Variants in RO60 observed in about 807,000 individuals in gnomAD.
The protein encoded by RO60 is Ro60, Y RNA binding protein.
RO60 carries 20 observed loss-of-function variants against 55.3 expected under a neutral mutation model. The ratio of observed to expected loss-of-function variants is 0.36; its 90% CI spans 0.25 to 0.53. The LOEUF (loss-of-function observed/expected upper bound fraction) is 0.53. RO60 is among the 20% of genes least tolerant of loss of function. RO60 has a pLI of 0.92. For missense variants in RO60, 558 were observed against 646.6 expected, an observed-to-expected ratio of 0.86 and a Z score of 1.49; for synonymous variants, 213 against 213.6, an observed-to-expected ratio of 1.00 and a Z score of 0.02.
chr1:193,082,339 A>G, intron 7 of RO60, 40 bp downstream of exon 7: 1 of 1,463,422 alleles, frequency 6.8e-7, no homozygotes, highest in Non-Finnish European at 9.4e-7. Context: ...AGTTAAGTTT[A>G]CATAACGTGT....
rs1402284547 is a variant in RO60 at position 193,087,506 on chromosome 1, A to G, written c.*2775A>G. The G allele has an allele frequency of 6.6e-6, 1 of 152,146 alleles. No individual in the cohort carries two copies. The highest frequency in any genetic ancestry group is 2.4e-5 in the African/African-American group (1 of 41,438). The allele number at this position is 152,146 out of a possible 1,614,324, so 9.4% of individuals were successfully genotyped here. A position where few individuals can be genotyped will look rare whatever the true frequency, so the allele number is the denominator to read the frequency against. ...TAATACTTATATTATTTAGTAATCT[A>G]TCTTATGAGAGTGTTAGTGAGGCAA... On this transcript the variant is annotated 3_prime_UTR_variant, in exon 9 of 9. Coordinates refer to ENST00000400968, the MANE Select transcript of RO60 (RefSeq NM_001173524.2).
At chr1:193,075,289 CTTT>C in intron 2 of RO60, among the ~76,000 whole-genome samples, 2 of 135,246 alleles carry the variant, frequency 1.5e-5, no homozygotes, top group African/African-American at 2.7e-5. Context: ...TTACTGTTTC[CTTT>C]TTTTTTTTTT....
Position 193,082,592 on chromosome 1 carries a change from C to T in RO60, c.1348C>T (p.Pro450Ser), listed in dbSNP as rs1347953318. Residue 450 changes from proline (P) to serine (S), a missense_variant, in exon 8 of 9, where the codon CCA becomes TCA. By Grantham distance (74) the Pro-to-Ser change is moderately conservative. Transcript: ENST00000400968. ...AGCAGGTGGAACTGATTGCTCTCTT[C>T]CAATGATCTGGGCTCAGAAGACAAA... The part of the protein sequence containing the change: ...IPAGGTDCSL[P>S]MIWAQKTNTP... 6.2e-7 allele frequency: 1 copy of T among 1,613,902 alleles called. No individual in the cohort carries two copies. The highest frequency in any genetic ancestry group is 8.5e-7 in the Non-Finnish European group (1 of 1,179,934).
intron 5 of RO60, among the ~76,000 whole-genome samples, chr1:193,080,941 G>A (rs1425614033): frequency 6.6e-6 from 1 of 152,084 alleles, no homozygotes; most frequent in African/African-American, 2.4e-5. Context: ...ATAGATAGAG[G>A]TGATAGTTAC....
intron 2 of RO60, among the ~76,000 whole-genome samples, chr1:193,074,435 G>A (rs147872246): frequency 0.012 from 1,868 of 152,292 alleles, 19 homozygotes; most frequent in South Asian, 0.034. Flanking sequence ...CATTCTAACT[G>A]ATGTGAGATG....
Position 193,075,920 on chromosome 1 carries a change from G to A in RO60, c.681G>A (p.Lys227=). The A allele has an allele frequency of 1.2e-6, 2 of 1,613,290 alleles. No homozygotes were observed. The highest frequency in any genetic ancestry group is 1.7e-6 in the Non-Finnish European group (2 of 1,179,530). The part of the protein sequence containing the change: ...ALSVETEKLL[K]YLEAVEKVKR... Reference sequence around the variant, plus strand: ...CTGTGGAGACTGAAAAATTATTAAAGTATCTGGAGGCTGTAGAGAAAGTGA... The same window carrying A: ...CTGTGGAGACTGAAAAATTATTAAAATATCTGGAGGCTGTAGAGAAAGTGA... The change falls in exon 3 of 9, where the codon AAG becomes AAA. Residue 227 remains lysine (K), a synonymous_variant. Transcript: ENST00000400968.
chr1:193,061,146 A>G (rs1672647569), intron 1 of RO60, among the ~76,000 whole-genome samples: 1 of 152,224 alleles, frequency 6.6e-6, no homozygotes, highest in Admixed American at 6.5e-5. Flanking sequence ...GTCTTTGAGA[A>G]AAATGAGATC....
chr1:193,059,952 A>T lies in RO60; in HGVS notation c.-22+176A>T. 7.3e-7 allele frequency: 1 copy of T among 1,366,448 alleles called. No homozygotes were observed. The highest frequency in any genetic ancestry group is 1.1e-5 in the South Asian group (1 of 88,024). The allele number at this position is 1,366,448 out of a possible 1,614,324, so 84.6% of individuals were successfully genotyped here. ...CGCGCCTGTCCACCCTGGGTAACGG[A>T]ACCAGCATCGCGGTAGGGACATCCT... is the stretch of plus-strand genomic sequence containing the variant. On this transcript the variant is annotated intron_variant, in intron 1 of 8. Coordinates refer to ENST00000400968, the MANE Select transcript of RO60 (RefSeq NM_001173524.2). The surrounding 1 kb of genome is among the most constrained non-coding windows in gnomAD (Gnocchi z 4.9).
At position 193,063,716 on chromosome 1, in the gene RO60, A is replaced by G. The variant is rs183870909; in HGVS notation, c.-22+3940A>G. 1.6e-4 allele frequency among the ~76,000 whole-genome samples: 25 copies of G among 152,300 alleles called. No homozygotes were observed. In the East Asian group the frequency reaches 3.5e-3, roughly 21 times the overall value. ...ATCAGATCCCACAAATTAAAGGACA[A>G]GGTCCCCACTAAGAATGCCATTAAT... On this transcript the variant is annotated intron_variant, in intron 1 of 8. Transcript: ENST00000400968.
chr1:193,060,857 A>G (rs1365231703), intron 1 of RO60, among the ~76,000 whole-genome samples: 1 of 152,244 alleles, frequency 6.6e-6, no homozygotes, highest in African/African-American at 2.4e-5. Context: ...TAAGAGGCAC[A>G]GAGTCCAGAA....
intron 1 of RO60, among the ~76,000 whole-genome samples, chr1:193,066,216 AT>A (rs1473964734): frequency 6.6e-6 from 1 of 152,214 alleles, no homozygotes; most frequent in Non-Finnish European, 1.5e-5. Flanking sequence ...TCCTTCAGTT[AT>A]CCCCCTTCTC....
At position 193,082,721 on chromosome 1, in the gene RO60, C is replaced by T. The variant is rs745863124; in HGVS notation, c.1464+13C>T. ...GGAGTATCGAAAGGTAAAACAAATTCTAATACGGTTCCTCACCCAAATAAT... is the reference window on the plus strand; with the variant it reads ...GGAGTATCGAAAGGTAAAACAAATTTTAATACGGTTCCTCACCCAAATAAT... On this transcript the variant is annotated intron_variant, in intron 8 of 8. Coordinates refer to ENST00000400968, the MANE Select transcript of RO60 (RefSeq NM_001173524.2). 3.1e-6 allele frequency: 5 copies of T among 1,589,776 alleles called. No individual in the cohort carries two copies. Among genetic ancestry groups the T allele is most frequent in the Admixed American group, 3.6e-5 (2 of 55,918 alleles).
chr1:193,063,425 T>A (rs1672913389), intron 1 of RO60, among the ~76,000 whole-genome samples: 1 of 152,216 alleles, frequency 6.6e-6, no homozygotes, highest in Non-Finnish European at 1.5e-5. Flanking sequence ...ATTTTATTAT[T>A]AAGTTGTAAG....
Position 193,069,428 on chromosome 1 carries a change from T to C in RO60, c.374T>C (p.Leu125Pro). ...VSEVCRIPTHLFTFIQFKKDL... is the reference protein window; with the variant it reads ...VSEVCRIPTHPFTFIQFKKDL... ...GAAGTTTGTCGCATTCCTACCCATC[T>C]CTTTACTTTTATCCAGTTTAAGAAA... Residue 125 changes from leucine (L) to proline (P), a missense_variant, in exon 2 of 9, where the codon CTC (leucine) becomes CCC (proline). Leu to Pro is a moderately conservative substitution (Grantham distance 98). Transcript: ENST00000400968. 6.2e-7 allele frequency: 1 copy of C among 1,614,226 alleles called. No homozygotes were observed. Among genetic ancestry groups the C allele is most frequent in the Non-Finnish European group, 8.5e-7 (1 of 1,180,022 alleles).
At position 193,090,619 on chromosome 1, in the gene RO60, C is replaced by T. The variant is rs1275907615; in HGVS notation, c.*5888C>T. On this transcript the variant is annotated 3_prime_UTR_variant, in exon 9 of 9. Transcript: ENST00000400968. The stretch of plus-strand genomic sequence containing the variant: ...TATTATAATCTAGTTCTAAACTGTC[C>T]ATTTGCTTTATATAAAGGCTTTGAT... The T allele has an allele frequency of 1.3e-5, 2 of 151,540 alleles. No individual in the cohort carries two copies. The highest frequency in any genetic ancestry group is 2.9e-5 in the Non-Finnish European group (2 of 67,910). The allele number at this position is 151,540 out of a possible 1,614,324, so 9.4% of individuals were successfully genotyped here.
chr1:193,066,027 A>G (rs1187951509), intron 1 of RO60, among the ~76,000 whole-genome samples: 1 of 151,974 alleles, frequency 6.6e-6, no homozygotes, highest in Non-Finnish European at 1.5e-5. Flanking sequence ...TCCACATACC[A>G]TTTGGCATTC....
At chr1:193,061,824 CAT>C (rs1672772196) in intron 1 of RO60, among the ~76,000 whole-genome samples, 1 of 151,850 alleles carries the variant, frequency 6.6e-6, no homozygotes, top group Admixed American at 6.6e-5. Context: ...CTCTACTAAA[CAT>C]ACAAAAAATT....
chr1:193,069,688 T>G lies in RO60; in HGVS notation c.580+54T>G, dbSNP rs970377684. 15 of 1,389,582 alleles carry G rather than the reference T, an allele frequency of 1.1e-5. No homozygotes were observed. In the South Asian group the frequency reaches 1.5e-4, roughly 14 times the overall value. 86.1% of individuals were successfully genotyped at this position (1,389,582 alleles called of 1,614,324 possible). On this transcript the variant is annotated intron_variant, in intron 2 of 8. Coordinates refer to ENST00000400968, the MANE Select transcript of RO60 (RefSeq NM_001173524.2). Reference sequence around the variant, plus strand: ...GGGTGGGTAAGGGATATTCAATAAATAGCAAATTTTTATTTAACATAAGAC... The same window carrying G: ...GGGTGGGTAAGGGATATTCAATAAAGAGCAAATTTTTATTTAACATAAGAC...
chr1:193,071,805 AAT>A (rs751762152), intron 2 of RO60, among the ~76,000 whole-genome samples: 224 of 147,814 alleles, frequency 1.5e-3, no homozygotes, highest in Non-Finnish European at 2.6e-3. Context: ...TATAGTATGT[AAT>A]ATATATATAC....
Sources: gnomAD v4.1 joint callset for allele counts (sites outside exome capture counted in the v4.1 genomes callset) on GRCh38, gnomAD v4.1.1 for gene constraint, Gnocchi (gnomAD v3.1) non-coding constraint, MANE v1.5 for transcripts, NCBI Gene and HGNC (gene_info 2026-07-23, HGNC 2026-07-21) for gene names.